Variants in FBXO47 observed in about 807,000 individuals in gnomAD.
FBXO47 encodes the protein F-box only protein 47.
FBXO47 carries 34 observed loss-of-function variants against 53.9 expected under a neutral mutation model. That is an observed-to-expected ratio of 0.63 (90% CI 0.48 to 0.84). The LOEUF (loss-of-function observed/expected upper bound fraction) is 0.84, where lower values mean the gene tolerates loss of function less well. FBXO47 is among the 40% of genes least tolerant of loss of function. The pLI is 0.00. For missense variants in FBXO47, 485 were observed against 541.3 expected (o/e 0.90, Z 1.03); for synonymous variants, 165 against 181.6 (o/e 0.91, Z 0.73).
At chr17:38,963,523 A>G (rs1045614806) in intron 1 of FBXO47, among the ~76,000 whole-genome samples, 1 of 151,634 alleles carries the variant, frequency 6.6e-6, no homozygotes, top group East Asian at 1.9e-4. Context: ...TAAAGTCTCT[A>G]TTTTCATCTC....
At chr17:38,964,659 C>T (rs1003014034) in intron 1 of FBXO47, among the ~76,000 whole-genome samples, 4 of 151,600 alleles carry the variant, frequency 2.6e-5, no homozygotes, top group Admixed American at 6.6e-5. Flanking sequence ...GAGACTTGGT[C>T]TCGAAAAACA....
intron 10 of FBXO47, among the ~76,000 whole-genome samples, chr17:38,938,044 T>G (rs1915624917): frequency 6.6e-6 from 1 of 152,206 alleles, no homozygotes; most frequent in Admixed American, 6.5e-5. Context: ...AATCATGGAA[T>G]TATATAAGAA....
chr17:38,938,423 ATT>A, intron 10 of FBXO47, 148 bp downstream of exon 10: 1 of 544,146 alleles, frequency 1.8e-6, no homozygotes. Context: ...TCCTCTACTT[ATT>A]GTTAGTTTTT....
Position 38,948,207 on chromosome 17 carries a change from ATTTTTTTTTT to A in FBXO47, c.617-3081_617-3072del, listed in dbSNP as rs869282186. ...ATCTCCATGGATTTCCCTATTCTGG[ATTTTTTTTTT>A]TTTTTTTTTTTTTTGAGACAGAGTC... On this transcript the variant is annotated intron_variant, in intron 6 of 10. Coordinates refer to ENST00000378079, the MANE Select transcript of FBXO47 (RefSeq NM_001008777.3). 5.6e-5 allele frequency among the ~76,000 whole-genome samples: 5 copies of A among 89,294 alleles called. No homozygotes were observed. In the South Asian group the frequency reaches 1.2e-3, roughly 22 times the overall value. The allele number at this position is 89,294 out of a possible 152,430, so 58.6% of individuals were successfully genotyped here. A position where few individuals can be genotyped will look rare whatever the true frequency, so the allele number is the denominator to read the frequency against.
chr17:38,952,421 T>A (rs1019152240), intron 5 of FBXO47, among the ~76,000 whole-genome samples: 1 of 152,180 alleles, frequency 6.6e-6, no homozygotes, highest in Non-Finnish European at 1.5e-5. Flanking sequence ...TTACCCATTA[T>A]GGAACAATCA....
chr17:38,953,673 G>A (rs976501652), intron 5 of FBXO47, among the ~76,000 whole-genome samples: 16 of 151,956 alleles, frequency 1.1e-4, no homozygotes, highest in African/African-American at 3.6e-4. Context: ...TATTCCCTGT[G>A]GAAGGACATA....
rs777435696 is a variant in FBXO47 at position 38,962,946 on chromosome 17, T to TCC, written c.79_80insGG (p.Tyr27TrpfsTer29). 1 of 1,613,678 alleles carries TCC rather than the reference T, an allele frequency of 6.2e-7. No homozygotes were observed. The highest frequency in any genetic ancestry group is 1.1e-5 in the South Asian group (1 of 91,050). ...AAAGCCTGAGCCAAGGGTCTTGGAA[T>TCC]AACAGCTGGTTTGACGATTACTACG... On this transcript the variant is annotated frameshift_variant, in exon 2 of 11. Transcript: ENST00000378079. LOFTEE classifies it high-confidence loss of function.
intron 5 of FBXO47, among the ~76,000 whole-genome samples, chr17:38,952,278 C>T (rs556642233): frequency 6.1e-4 from 93 of 151,562 alleles, no homozygotes; most frequent in African/African-American, 2.2e-3. Flanking sequence ...GCCAAGATTG[C>T]GCCACTGCAC....
At chr17:38,965,733 A>AAAAAAAAAAAAAG (rs1906077145) in intron 1 of FBXO47, among the ~76,000 whole-genome samples, 1 of 140,840 alleles carries the variant, frequency 7.1e-6, no homozygotes, top group Non-Finnish European at 1.6e-5. Context: ...AAAAAAAAAA[A>AAAAAAAAAAAAAG]TTAGCCGGGC....
chr17:38,947,629 G>T (rs1308429392), intron 6 of FBXO47, among the ~76,000 whole-genome samples: 3 of 152,174 alleles, frequency 2.0e-5, no homozygotes, highest in Non-Finnish European at 2.9e-5. Context: ...TAGATTAACG[G>T]CCAGGCGTGG....
At chr17:38,960,793 G>T (rs866422635) in intron 3 of FBXO47, among the ~76,000 whole-genome samples, 1 of 151,802 alleles carries the variant, frequency 6.6e-6, no homozygotes, top group Admixed American at 6.6e-5. Flanking sequence ...CACCATGCCC[G>T]GCTAATTTTT....
chr17:38,945,753 G>A (rs940973258), intron 6 of FBXO47, among the ~76,000 whole-genome samples: 8 of 151,486 alleles, frequency 5.3e-5, no homozygotes, highest in Non-Finnish European at 7.4e-5. Context: ...TGGCTAACAC[G>A]GTGAAACCCT....
At chr17:38,958,105 A>T (rs912413305) in intron 3 of FBXO47, among the ~76,000 whole-genome samples, 1 of 152,132 alleles carries the variant, frequency 6.6e-6, no homozygotes, top group African/African-American at 2.4e-5. Context: ...CTGGGATTAC[A>T]GGTGTGAACC....
intron 5 of FBXO47, among the ~76,000 whole-genome samples, chr17:38,953,732 A>C (rs984188232): frequency 1.6e-4 from 25 of 152,226 alleles, no homozygotes; most frequent in African/African-American, 5.8e-4. Flanking sequence ...TCAGTGGACA[A>C]GGAGAGAGAC....
chr17:38,944,943 G>C lies in FBXO47; in HGVS notation c.793+17C>G. On this transcript the variant is annotated intron_variant, in intron 7 of 10. Transcript: ENST00000378079. Reference sequence around the variant, plus strand: ...AATGAACCAGTTATGTTACAACCCTGAAAGATGGGTGCTCACCATCTTGAG... The same window carrying C: ...AATGAACCAGTTATGTTACAACCCTCAAAGATGGGTGCTCACCATCTTGAG... 1 of 1,605,970 alleles carries C rather than the reference G, an allele frequency of 6.2e-7. No individual in the cohort carries two copies. Among genetic ancestry groups the C allele is most frequent in the South Asian group, 1.1e-5 (1 of 90,720 alleles).
At position 38,967,220 on chromosome 17, in the gene FBXO47, C is replaced by A. The variant is rs1168496448; in HGVS notation, c.-27+9G>T. Reference sequence around the variant, plus strand: ...CAATAAAATACTGGGAAAAAAAACCCTCTTTTACCACAGATTTTGACAGTT... The same window carrying A: ...CAATAAAATACTGGGAAAAAAAACCATCTTTTACCACAGATTTTGACAGTT... On this transcript the variant is annotated intron_variant, in intron 1 of 10. Transcript: ENST00000378079. The A allele has an allele frequency of 6.6e-6, 1 of 152,176 alleles. No individual in the cohort carries two copies. Among genetic ancestry groups the A allele is most frequent in the Non-Finnish European group, 1.5e-5 (1 of 68,036 alleles). 9.4% of individuals were successfully genotyped at this position (152,176 alleles called of 1,614,324 possible). A position where few individuals can be genotyped will look rare whatever the true frequency, so the allele number is the denominator to read the frequency against.
At chr17:38,952,875 A>G (rs1905367241) in intron 5 of FBXO47, among the ~76,000 whole-genome samples, 1 of 137,722 alleles carries the variant, frequency 7.3e-6, no homozygotes, top group South Asian at 2.3e-4. Flanking sequence ...ACTAGTCTTG[A>G]ACTCCTGACC....
At chr17:38,947,174 C>T (rs1351104855) in intron 6 of FBXO47, among the ~76,000 whole-genome samples, 1 of 148,412 alleles carries the variant, frequency 6.7e-6, no homozygotes, top group Non-Finnish European at 1.5e-5. Context: ...GTGGCACGTG[C>T]CTTTGATCCC....
chr17:38,960,630 C>CTTTT (rs947161295), intron 3 of FBXO47, among the ~76,000 whole-genome samples: 2 of 132,522 alleles, frequency 1.5e-5, no homozygotes, highest in Non-Finnish European at 3.2e-5. Flanking sequence ...AATTCTTTCT[C>CTTTT]TTTTTTTTTT....
Sources: gnomAD v4.1 joint callset for allele counts (sites outside exome capture counted in the v4.1 genomes callset) on GRCh38, gnomAD v4.1.1 for gene constraint, MANE v1.5 for transcripts, NCBI Gene and HGNC (gene_info 2026-07-23, HGNC 2026-07-21) for gene names.